Variants in SUGCT observed in about 807,000 individuals in gnomAD.
SUGCT encodes succinyl-CoA:glutarate-CoA transferase.
A neutral mutation model predicts 55.0 loss-of-function variants in SUGCT; 41 were observed. The ratio of observed to expected loss-of-function variants is 0.74; its 90% CI spans 0.58 to 0.97. The LOEUF (loss-of-function observed/expected upper bound fraction) is 0.97. Among genes scored for constraint, SUGCT ranks in the 50% least tolerant of loss-of-function variants. The pLI is 0.00. For missense variants in SUGCT, 568 were observed against 547.8 expected (o/e 1.04, Z -0.37); for synonymous variants, 187 against 200.4 (o/e 0.93, Z 0.56).
chr7:40,806,481 A>C (rs1791098135), intron 13 of SUGCT, among the ~76,000 whole-genome samples: 1 of 152,166 alleles, frequency 6.6e-6, no homozygotes, highest in Non-Finnish European at 1.5e-5. Context: ...CTCTTTGCTT[A>C]TCTTTTTTAC....
chr7:40,939,557 T>C, the SUGCT span, among the ~76,000 whole-genome samples: 1 of 152,186 alleles, frequency 6.6e-6, no homozygotes, highest in Non-Finnish European at 1.5e-5. Flanking sequence ...CTGTTGTTTT[T>C]TGATTTTTTA....
the SUGCT span, among the ~76,000 whole-genome samples, chr7:40,918,203 C>T: frequency 9.2e-5 from 14 of 152,206 alleles, no homozygotes; most frequent in Non-Finnish European, 1.8e-4. Flanking sequence ...TGGTTCACAC[C>T]TGTAATCCCA....
chr7:40,899,241 C>T, the SUGCT span, among the ~76,000 whole-genome samples: 1 of 152,190 alleles, frequency 6.6e-6, no homozygotes, highest in African/African-American at 2.4e-5. Context: ...CCTTCCCTCC[C>T]TCCTCACCAA....
chr7:40,681,400 C>G (rs1784237007), intron 12 of SUGCT, among the ~76,000 whole-genome samples: 1 of 152,138 alleles, frequency 6.6e-6, no homozygotes. Flanking sequence ...GATGAGTTTT[C>G]AGATAGCTTA....
intron 8 of SUGCT, among the ~76,000 whole-genome samples, chr7:40,280,219 TTTTTATAG>T: frequency 6.6e-6 from 1 of 152,340 alleles, no homozygotes; most frequent in East Asian, 1.9e-4. Context: ...GGCACCACAG[TTTTTATAG>T]TTTTAAGGCT....
chr7:40,178,734 TA>T (rs1785042013), intron 1 of SUGCT, among the ~76,000 whole-genome samples: 1 of 152,210 alleles, frequency 6.6e-6, no homozygotes, highest in Admixed American at 6.5e-5. Flanking sequence ...TGTGTCTTTT[TA>T]AAATCCATTA....
chr7:40,329,197 G>A (rs1161969291), intron 9 of SUGCT, among the ~76,000 whole-genome samples: 1 of 152,248 alleles, frequency 6.6e-6, no homozygotes, highest in Admixed American at 6.5e-5. Flanking sequence ...AAATAACTGA[G>A]TTCTGATATG....
intron 13 of SUGCT, among the ~76,000 whole-genome samples, chr7:40,825,764 C>T (rs1164428032): frequency 3.3e-5 from 5 of 152,074 alleles, no homozygotes; most frequent in Non-Finnish European, 7.4e-5. Flanking sequence ...TTAGAGGAGC[C>T]CTCTTTTTGG....
intron 11 of SUGCT, among the ~76,000 whole-genome samples, chr7:40,472,693 T>A (rs181700616): frequency 6.6e-6 from 1 of 152,132 alleles, no homozygotes; most frequent in African/African-American, 2.4e-5. Flanking sequence ...GGATCTGACA[T>A]AGCTGATGAG....
intron 6 of SUGCT, among the ~76,000 whole-genome samples, chr7:40,201,852 A>G (rs79154836): frequency 0.017 from 2,519 of 152,312 alleles, 66 homozygotes; most frequent in African/African-American, 0.057. Flanking sequence ...GACTTACTGG[A>G]GTACCACCAG....
intron 9 of SUGCT, among the ~76,000 whole-genome samples, chr7:40,373,350 A>G (rs1050514061): frequency 6.6e-6 from 1 of 152,048 alleles, no homozygotes; most frequent in Non-Finnish European, 1.5e-5. Context: ...GAATCTATAG[A>G]TTCTAGAAAA....
chr7:40,757,621 T>C (rs1788323400), intron 13 of SUGCT, among the ~76,000 whole-genome samples: 1 of 152,206 alleles, frequency 6.6e-6, no homozygotes, highest in Admixed American at 6.5e-5. Context: ...AATATTTAAC[T>C]GGACTCATAC....
At chr7:40,914,175 G>T in the SUGCT span, among the ~76,000 whole-genome samples, 1 of 151,332 alleles carries the variant, frequency 6.6e-6, no homozygotes, top group South Asian at 2.1e-4. Context: ...GTCTGGAAAG[G>T]GTTCCAGGCT....
intron 7 of SUGCT, among the ~76,000 whole-genome samples, chr7:40,245,600 C>T (rs1470437337): frequency 6.7e-5 from 10 of 148,786 alleles, no homozygotes; most frequent in African/African-American, 2.2e-4. Context: ...CCACCACGCC[C>T]GGCTAATTTT....
At chr7:40,140,151 G>A (rs966134110) in intron 1 of SUGCT, among the ~76,000 whole-genome samples, 3 of 151,992 alleles carry the variant, frequency 2.0e-5, no homozygotes, top group Non-Finnish European at 4.4e-5. Flanking sequence ...TGATCCGCCC[G>A]CCTAGGCCTC....
intron 11 of SUGCT, among the ~76,000 whole-genome samples, chr7:40,494,533 C>T (rs1791869136): frequency 6.6e-6 from 1 of 151,856 alleles, no homozygotes; most frequent in African/African-American, 2.4e-5. Context: ...TTATTGTATA[C>T]CAAATAGGGG....
At position 40,377,141 on chromosome 7, in the gene SUGCT, T is replaced by C. The variant is rs540557194; in HGVS notation, c.816+60286T>C. On this transcript the variant is annotated intron_variant, in intron 9 of 13. Transcript: ENST00000335693. The stretch of plus-strand genomic sequence containing the variant: ...TTTTCAGCCTTCCTCTTTCTTTCTT[T>C]CTTTCTTTCTTTCTTTCTTTCTTTC... Among the ~76,000 whole-genome samples, 17 of 13,056 alleles carry C rather than the reference T, an allele frequency of 1.3e-3. 4 individuals are homozygous for C. Among genetic ancestry groups the C allele is most frequent in the African/African-American group, 2.2e-3 (16 of 7,436 alleles). 8.6% of individuals were successfully genotyped at this position (13,056 alleles called of 152,430 possible).
the SUGCT span, among the ~76,000 whole-genome samples, chr7:40,915,804 A>G: frequency 6.6e-6 from 1 of 152,254 alleles, no homozygotes; most frequent in African/African-American, 2.4e-5. Flanking sequence ...GAAATACATA[A>G]GTAAATAAAA....
At chr7:40,343,801 C>A (rs966660695) in intron 9 of SUGCT, among the ~76,000 whole-genome samples, 2 of 152,090 alleles carry the variant, frequency 1.3e-5, no homozygotes, top group African/African-American at 4.8e-5. Flanking sequence ...GGACTACAGG[C>A]ACCCGCCACC....
Sources: allele counts gnomAD v4.1 joint callset (sites outside exome capture counted in the v4.1 genomes callset), GRCh38; gene constraint gnomAD v4.1.1; transcripts MANE v1.5; gene names NCBI Gene and HGNC (gene_info 2026-07-23, HGNC 2026-07-21).